ANK2: variants seen among roughly 807,000 people sequenced by gnomAD.
ANK2 encodes ankyrin 2, also known as ankyrin-2.
ANK2 carries 83 observed loss-of-function variants against 360.5 expected under a neutral mutation model. That is an observed-to-expected ratio of 0.23 (90% CI 0.19 to 0.28). ANK2 has a LOEUF of 0.28. Ranked by LOEUF, ANK2 falls within the 10% of genes least tolerant of loss-of-function variation. The probability of loss-of-function intolerance (pLI) is 1.00; values close to 1 mark genes in which losing one functional copy is unlikely to be tolerated. For synonymous variants in ANK2, 1,740 were observed against 1,759.5 expected (o/e 0.99, Z 0.28); for missense variants, 4,201 against 4,795.7 (o/e 0.88, Z 3.66).
At chr4:112,806,525 T>C in the ANK2 span, among the ~76,000 whole-genome samples, 1 of 152,152 alleles carries the variant, frequency 6.6e-6, no homozygotes, top group Non-Finnish European at 1.5e-5. Context: ...GGAGTGCAGA[T>C]ATCTCTACAA....
chr4:112,778,025 A>C, the ANK2 span, among the ~76,000 whole-genome samples: 2 of 151,026 alleles, frequency 1.3e-5, no homozygotes, highest in Admixed American at 6.6e-5. Context: ...GCTGGAGTGC[A>C]ATGGCGCGAT....
chr4:112,790,526 C>T, the ANK2 span, among the ~76,000 whole-genome samples: 1 of 141,666 alleles, frequency 7.1e-6, no homozygotes, highest in East Asian at 2.0e-4. Flanking sequence ...TTTGCTCTGT[C>T]GCCCAGGCTG....
chr4:112,855,017 C>A (rs2065985748), intron 1 of ANK2, among the ~76,000 whole-genome samples: 1 of 152,106 alleles, frequency 6.6e-6, no homozygotes, highest in Non-Finnish European at 1.5e-5. Flanking sequence ...ACATTAAGCT[C>A]CAATGACACA....
chr4:113,144,234 A>G (rs1411792379), intron 1 of ANK2, among the ~76,000 whole-genome samples: 2 of 152,288 alleles, frequency 1.3e-5, no homozygotes, highest in East Asian at 3.9e-4. Context: ...CTTTATAATA[A>G]GCAAGATACT....
At chr4:113,001,707 T>C (rs2050747392) in intron 2 of ANK2, among the ~76,000 whole-genome samples, 1 of 152,162 alleles carries the variant, frequency 6.6e-6, no homozygotes, top group African/African-American at 2.4e-5. Context: ...TAACAAGGAT[T>C]CCCTTCTATA....
intron 2 of ANK2, among the ~76,000 whole-genome samples, chr4:113,191,010 A>G (rs983491045): frequency 5.3e-5 from 8 of 152,204 alleles, no homozygotes; most frequent in African/African-American, 1.9e-4. Context: ...TAATTTAACC[A>G]AAGAAATGAG....
At chr4:113,369,235 T>C (rs1162874362) in intron 42 of ANK2, among the ~76,000 whole-genome samples, 1 of 152,226 alleles carries the variant, frequency 6.6e-6, no homozygotes, top group African/African-American at 2.4e-5. Context: ...ATAACTTATA[T>C]ACATTGTAGA....
At chr4:112,987,055 A>G (rs1288240911) in intron 2 of ANK2, among the ~76,000 whole-genome samples, 2 of 152,248 alleles carry the variant, frequency 1.3e-5, no homozygotes, top group African/African-American at 2.4e-5. Flanking sequence ...AAAAAATTTC[A>G]TAATGTTTTA....
intron 1 of ANK2, among the ~76,000 whole-genome samples, chr4:113,114,975 G>A (rs1013173550): frequency 6.6e-6 from 1 of 152,156 alleles, no homozygotes; most frequent in African/African-American, 2.4e-5. Context: ...AGACTTGCTT[G>A]TTGCGAACAT....
At chr4:113,224,586 C>T (rs756574412) in intron 4 of ANK2, among the ~76,000 whole-genome samples, 21 of 152,114 alleles carry the variant, frequency 1.4e-4, no homozygotes, top group Non-Finnish European at 2.1e-4. Context: ...TAGGAAAATA[C>T]GGCAGTTTCT....
intron 2 of ANK2, among the ~76,000 whole-genome samples, chr4:112,951,327 G>C (rs951470502): frequency 1.3e-5 from 2 of 152,070 alleles, no homozygotes; most frequent in Non-Finnish European, 2.9e-5. Flanking sequence ...TTATAGATCT[G>C]TGTTTATTGA....
At chr4:112,801,557 G>A in the ANK2 span, among the ~76,000 whole-genome samples, 7 of 152,298 alleles carry the variant, frequency 4.6e-5, no homozygotes, top group East Asian at 1.3e-3. Flanking sequence ...AGGCTAAGGG[G>A]ATTAGGGCAA....
chr4:113,216,393 T>G (rs1330032791), intron 4 of ANK2, among the ~76,000 whole-genome samples: 1 of 152,174 alleles, frequency 6.6e-6, no homozygotes, highest in Non-Finnish European at 1.5e-5. Flanking sequence ...ATTTTAGACT[T>G]TTAAAGGTGC....
At chr4:112,809,692 G>A in the ANK2 span, among the ~76,000 whole-genome samples, 2 of 150,878 alleles carry the variant, frequency 1.3e-5, no homozygotes, top group Non-Finnish European at 2.9e-5. Context: ...GACCAGTCTG[G>A]GCAATATGGT....
chr4:113,214,947 T>C (rs1482190008), intron 4 of ANK2, among the ~76,000 whole-genome samples: 1 of 152,144 alleles, frequency 6.6e-6, no homozygotes, highest in Admixed American at 6.5e-5. Context: ...TCAAAAGACA[T>C]TTATTAACTA....
At chr4:113,202,909 G>T (rs2153422133) in intron 4 of ANK2, among the ~76,000 whole-genome samples, 1 of 152,176 alleles carries the variant, frequency 6.6e-6, no homozygotes, top group Admixed American at 6.5e-5. Context: ...TTGTTTCTTT[G>T]TTCAACAGTG....
chr4:113,097,029 T>G (rs2091341450), intron 1 of ANK2, among the ~76,000 whole-genome samples: 1 of 140,266 alleles, frequency 7.1e-6, no homozygotes, highest in Admixed American at 7.1e-5. Flanking sequence ...CTGTGGCAAA[T>G]ATTATCACTC....
intron 45 of ANK2, among the ~76,000 whole-genome samples, chr4:113,376,883 A>C (rs537724366): frequency 5.1e-4 from 75 of 148,020 alleles, no homozygotes; most frequent in African/African-American, 1.6e-3. Flanking sequence ...CAGAATAATC[A>C]ATATCACTGT....
intron 1 of ANK2, among the ~76,000 whole-genome samples, chr4:113,114,704 A>G (rs1198455742): frequency 6.6e-6 from 1 of 152,218 alleles, no homozygotes; most frequent in African/African-American, 2.4e-5. Context: ...AGCCAATGAA[A>G]TAAAAGGTTT....
Sources: gnomAD v4.1 joint callset for allele counts (sites outside exome capture counted in the v4.1 genomes callset) on GRCh38, gnomAD v4.1.1 for gene constraint, MANE v1.5 for transcripts, NCBI Gene and HGNC (gene_info 2026-07-23, HGNC 2026-07-21) for gene names.